LRP6: variants seen among roughly 807,000 people sequenced by gnomAD.
LRP6 encodes LDL receptor related protein 6.
Under a neutral mutation model 184.1 loss-of-function variants are expected in LRP6, and 43 were observed. The ratio of observed to expected loss-of-function variants is 0.23; its 90% CI spans 0.18 to 0.30. The LOEUF (loss-of-function observed/expected upper bound fraction) is 0.30, where lower values mean the gene tolerates loss of function less well. Ranked by LOEUF, LRP6 falls within the 10% of genes least tolerant of loss-of-function variation. The probability of loss-of-function intolerance (pLI) is 1.00; values close to 1 mark genes in which losing one functional copy is unlikely to be tolerated. For synonymous variants in LRP6, 719 were observed against 684.9 expected (o/e 1.05, Z -0.78); for missense variants, 1,571 against 2,005.3 (o/e 0.78, Z 4.14).
Position 12,267,006 on chromosome 12 carries a change from C to T in LRP6, c.-271G>A. On this transcript the variant is annotated 5_prime_UTR_variant, in exon 1 of 23. Transcript: ENST00000261349. ...GCGCCCCGCTTCCCCCGCGCAGCTCCTCATTCAGCCTCTGCCTCGCGCAGC... is the reference window on the plus strand; with the variant it reads ...GCGCCCCGCTTCCCCCGCGCAGCTCTTCATTCAGCCTCTGCCTCGCGCAGC... The T allele has an allele frequency of 2.0e-6, 1 of 512,680 alleles. No homozygotes were observed. The allele number at this position is 512,680 out of a possible 1,614,324, so 31.8% of individuals were successfully genotyped here.
chr12:12,199,693 C>T (rs1233813503), intron 3 of LRP6, among the ~76,000 whole-genome samples: 5 of 151,812 alleles, frequency 3.3e-5, no homozygotes, highest in South Asian at 2.1e-4. Flanking sequence ...CGGCCAGGCA[C>T]GGTGGCTCAT....
chr12:12,213,527 A>G (rs1192920430), intron 2 of LRP6, among the ~76,000 whole-genome samples: 2 of 152,196 alleles, frequency 1.3e-5, no homozygotes, highest in African/African-American at 4.8e-5. Context: ...TGGTTGAATC[A>G]GTATTTTTCT....
rs1949650523 is a variant in LRP6, at chr12:12,124,746, A to G, written c.4450-84T>C. The stretch of plus-strand genomic sequence containing the variant: ...TTTCAACTTTTCTTCCTTCATCTCT[A>G]TTAGTGTTTCTTTACAATACACTAT... On this transcript the variant is annotated intron_variant, in intron 21 of 22. Coordinates refer to ENST00000261349, the MANE Select transcript of LRP6 (RefSeq NM_002336.3). The G allele has an allele frequency of 3.5e-6, 3 of 846,496 alleles. No homozygotes were observed. In the African/African-American group the frequency reaches 5.1e-5, roughly 14 times the overall value. The allele number at this position is 846,496 out of a possible 1,614,324, so 52.4% of individuals were successfully genotyped here. A position where few individuals can be genotyped will look rare whatever the true frequency, so the allele number is the denominator to read the frequency against.
At chr12:12,156,771 C>T (rs556722965) in intron 12 of LRP6, among the ~76,000 whole-genome samples, 8 of 152,254 alleles carry the variant, frequency 5.3e-5, no homozygotes, top group Non-Finnish European at 1.0e-4. Flanking sequence ...TATTCTCTCC[C>T]GCTTTTCCTC....
intron 1 of LRP6, among the ~76,000 whole-genome samples, chr12:12,263,469 T>C (rs373907918): frequency 2.7e-5 from 4 of 149,514 alleles, no homozygotes; most frequent in East Asian, 3.9e-4. Flanking sequence ...GAGAAAGGCG[T>C]GAACCCGGCA....
chr12:12,232,793 G>A (rs1864827061), intron 2 of LRP6, among the ~76,000 whole-genome samples: 1 of 152,134 alleles, frequency 6.6e-6, no homozygotes, highest in Non-Finnish European at 1.5e-5. Flanking sequence ...ATCAATAGAT[G>A]AGTGGTTAAT....
At chr12:12,240,146 G>A (rs1865026126) in intron 2 of LRP6, among the ~76,000 whole-genome samples, 2 of 152,112 alleles carry the variant, frequency 1.3e-5, no homozygotes, top group African/African-American at 4.8e-5. Context: ...TTCCCGAAAA[G>A]ATCAGTGGTT....
chr12:12,231,661 T>G (rs1864791836), intron 2 of LRP6, among the ~76,000 whole-genome samples: 1 of 152,098 alleles, frequency 6.6e-6, no homozygotes, highest in Admixed American at 6.6e-5. Flanking sequence ...CCCAGAAGTT[T>G]TTAGATCAGC....
intron 16 of LRP6, among the ~76,000 whole-genome samples, chr12:12,137,690 T>C (rs1949862655): frequency 6.6e-6 from 1 of 152,188 alleles, no homozygotes; most frequent in Non-Finnish European, 1.5e-5. Flanking sequence ...AGATGCTTTA[T>C]GTTATCAGTA....
At chr12:12,185,852 T>G (rs7960603) in intron 4 of LRP6, among the ~76,000 whole-genome samples, 1 of 150,864 alleles carries the variant, frequency 6.6e-6, no homozygotes, top group African/African-American at 2.5e-5. Flanking sequence ...TTTTTGTTTT[T>G]TTTTTTTTTG....
At chr12:12,226,020 C>G (rs1296390081) in intron 2 of LRP6, among the ~76,000 whole-genome samples, 1 of 152,002 alleles carries the variant, frequency 6.6e-6, no homozygotes, top group Non-Finnish European at 1.5e-5. Flanking sequence ...AGGAAAATAT[C>G]CAGCTCCACC....
chr12:12,139,991 A>T (rs1949906983), intron 15 of LRP6, among the ~76,000 whole-genome samples: 1 of 152,170 alleles, frequency 6.6e-6, no homozygotes, highest in Non-Finnish European at 1.5e-5. Context: ...CTGGGGCTGA[A>T]AGAGGAGTAC....
At chr12:12,121,453 A>C in intron 22 of LRP6, 33 bp from the exon 23 acceptor site, 1 of 1,603,618 alleles carries the variant, frequency 6.2e-7, no homozygotes, top group Admixed American at 1.7e-5. Context: ...AGAAGCAGTT[A>C]GTTTTACAAA....
intron 1 of LRP6, among the ~76,000 whole-genome samples, chr12:12,257,812 T>TAAAAAAAAAAAAAAAAAAAAAAAAA (rs1865507818): frequency 5.9e-5 from 4 of 67,326 alleles, no homozygotes; most frequent in African/African-American, 2.2e-4. Flanking sequence ...AAAAAAAAAT[T>TAAAAAAAAAAAAAAAAAAAAAAAAA]AAAAATGAGC....
At chr12:12,132,229 A>G (rs1292829603) in intron 17 of LRP6, among the ~76,000 whole-genome samples, 172 bp from the exon 18 acceptor site, 1 of 152,252 alleles carries the variant, frequency 6.6e-6, no homozygotes, top group Non-Finnish European at 1.5e-5. Context: ...AGGTTTTCAC[A>G]TTACTTCCTT....
intron 3 of LRP6, among the ~76,000 whole-genome samples, chr12:12,193,295 A>G (rs2137019008): frequency 6.6e-6 from 1 of 151,884 alleles, no homozygotes; most frequent in East Asian, 1.9e-4. Flanking sequence ...ATTATTTATG[A>G]TTTGACCTTA....
intron 4 of LRP6, chr12:12,186,686 T>C: frequency 2.0e-6 from 1 of 494,792 alleles, no homozygotes; most frequent in South Asian, 2.1e-5. Context: ...TGAGACACAG[T>C]CTTTCTCTGT....
At chr12:12,252,342 G>A (rs1319431502) in intron 1 of LRP6, among the ~76,000 whole-genome samples, 1 of 152,090 alleles carries the variant, frequency 6.6e-6, no homozygotes, top group Admixed American at 6.5e-5. Flanking sequence ...AGGGGCCCTA[G>A]AAAATCAAAA....
intron 12 of LRP6, among the ~76,000 whole-genome samples, chr12:12,157,527 TA>T (rs1484482317): frequency 6.6e-6 from 1 of 152,200 alleles, no homozygotes; most frequent in Admixed American, 6.5e-5. Context: ...ATTACTTGTG[TA>T]AAGCAAAAAA....
Sources: allele counts gnomAD v4.1 joint callset (sites outside exome capture counted in the v4.1 genomes callset), GRCh38; gene constraint gnomAD v4.1.1; transcripts MANE v1.5; gene names NCBI Gene and HGNC (gene_info 2026-07-23, HGNC 2026-07-21).